Variants in PLCB4 observed in about 807,000 individuals in gnomAD.
The protein encoded by PLCB4 is 1-phosphatidylinositol 4,5-bisphosphate phosphodiesterase beta-4.
PLCB4 carries 77 observed loss-of-function variants against 178.8 expected under a neutral mutation model. The observed-to-expected ratio is 0.43, with a 90% confidence interval of 0.36 to 0.52. PLCB4 has a LOEUF of 0.52. PLCB4 is among the 20% of genes least tolerant of loss of function. The pLI is 0.00. For synonymous variants in PLCB4, 496 were observed against 490.8 expected, an observed-to-expected ratio of 1.01 and a Z score of -0.14; for missense variants, 1,024 against 1,453.4, an observed-to-expected ratio of 0.70 and a Z score of 4.80.
intron 2 of PLCB4, among the ~76,000 whole-genome samples, chr20:9,192,962 T>C (rs909912178): frequency 6.6e-6 from 1 of 152,180 alleles, no homozygotes; most frequent in Non-Finnish European, 1.5e-5. Context: ...AGAATCTATG[T>C]TCTAGTTGGA....
intron 3 of PLCB4, among the ~76,000 whole-genome samples, chr20:9,245,706 A>G (rs896454787): frequency 2.9e-4 from 43 of 150,624 alleles, no homozygotes; most frequent in African/African-American, 1.0e-3. Context: ...CTTTTGGTCT[A>G]CAGAACCAAG....
intron 4 of PLCB4, among the ~76,000 whole-genome samples, chr20:9,317,712 GA>G (rs879397737): frequency 3.9e-5 from 6 of 152,128 alleles, no homozygotes; most frequent in Admixed American, 2.6e-4. Context: ...AGAAAGTATG[GA>G]AAAAATATGG....
intron 3 of PLCB4, among the ~76,000 whole-genome samples, chr20:9,230,668 G>A (rs1412168991): frequency 1.3e-5 from 2 of 152,060 alleles, no homozygotes; most frequent in African/African-American, 4.8e-5. Flanking sequence ...CTCTCTTATG[G>A]GTCTCTGTTC....
chr20:9,220,750 C>T (rs1221595819), intron 3 of PLCB4, among the ~76,000 whole-genome samples: 1 of 152,190 alleles, frequency 6.6e-6, no homozygotes, highest in African/African-American at 2.4e-5. Flanking sequence ...GAGCCTTACT[C>T]ATTGTCCTGT....
Position 9,070,533 on chromosome 20 carries a change from A to T in PLCB4, c.-135+1327A>T, listed in dbSNP as rs143177184. Reference sequence around the variant, plus strand: ...TATGTAATCCAGAATGCTGTTTTTCATAGGACAGTCTTGCATGATCCTTAG... The same window carrying T: ...TATGTAATCCAGAATGCTGTTTTTCTTAGGACAGTCTTGCATGATCCTTAG... On this transcript the variant is annotated intron_variant, in intron 1 of 39. Coordinates refer to ENST00000378473, the MANE Select transcript of PLCB4 (RefSeq NM_001377142.1). Among the ~76,000 whole-genome samples, 401 of 152,282 alleles carry T rather than the reference A, an allele frequency of 2.6e-3. 3 individuals are homozygous for T. The highest frequency in any genetic ancestry group is 0.017 in the Middle Eastern group (5 of 294).
At chr20:9,075,487 A>G (rs1390006968) in intron 1 of PLCB4, among the ~76,000 whole-genome samples, 1 of 152,216 alleles carries the variant, frequency 6.6e-6, no homozygotes, top group East Asian at 1.9e-4. Context: ...TGGTAGCCTA[A>G]ACAAATAGTT....
At chr20:9,151,971 C>A (rs1160886703) in intron 2 of PLCB4, among the ~76,000 whole-genome samples, 1 of 152,094 alleles carries the variant, frequency 6.6e-6, no homozygotes, top group Non-Finnish European at 1.5e-5. Flanking sequence ...GCAAAGGTGA[C>A]TCTTATTATG....
At chr20:9,274,543 C>CAG (rs1274871068) in intron 3 of PLCB4, among the ~76,000 whole-genome samples, 2 of 152,070 alleles carry the variant, frequency 1.3e-5, no homozygotes, top group African/African-American at 4.8e-5. Context: ...TGTTTGGGAA[C>CAG]AGCAAAGTTA....
At chr20:9,455,655 T>A (rs945790072) in intron 33 of PLCB4, among the ~76,000 whole-genome samples, 1 of 152,168 alleles carries the variant, frequency 6.6e-6, no homozygotes, top group Non-Finnish European at 1.5e-5. Context: ...ATCTGTAGAT[T>A]TCTTCCTGAG....
intron 4 of PLCB4, among the ~76,000 whole-genome samples, chr20:9,333,299 C>T (rs2031969636): frequency 6.6e-6 from 1 of 152,012 alleles, no homozygotes; most frequent in African/African-American, 2.4e-5. Context: ...GGGAGTCAGT[C>T]AGTAAATCAA....
intron 35 of PLCB4, among the ~76,000 whole-genome samples, chr20:9,462,277 CA>C (rs201748689): frequency 0.015 from 2,317 of 152,254 alleles, 61 homozygotes; most frequent in African/African-American, 0.053. Context: ...ACATCAAAGA[CA>C]AAAGGTAGAT....
chr20:9,299,378 T>C (rs1037248486), intron 3 of PLCB4, among the ~76,000 whole-genome samples: 1 of 152,054 alleles, frequency 6.6e-6, no homozygotes, highest in Non-Finnish European at 1.5e-5. Flanking sequence ...AAAAGAAAAT[T>C]CTAAAATTAC....
intron 7 of PLCB4, among the ~76,000 whole-genome samples, chr20:9,339,777 C>A (rs904674749): frequency 6.6e-6 from 1 of 152,144 alleles, no homozygotes; most frequent in African/African-American, 2.4e-5. Context: ...GAAATCCAAA[C>A]CCCCCCTCCC....
At chr20:9,205,491 G>A (rs1231263665) in intron 2 of PLCB4, among the ~76,000 whole-genome samples, 1 of 152,102 alleles carries the variant, frequency 6.6e-6, no homozygotes, top group African/African-American at 2.4e-5. Flanking sequence ...AGAGTCATAT[G>A]CAGTTGTAAA....
At chr20:9,400,474 T>TA (rs897611426) in intron 19 of PLCB4, among the ~76,000 whole-genome samples, 3 of 152,190 alleles carry the variant, frequency 2.0e-5, no homozygotes, top group Admixed American at 6.5e-5. Context: ...AAACATGCTT[T>TA]AAAAAAATCT....
At chr20:9,163,035 G>A (rs2092914236) in intron 2 of PLCB4, among the ~76,000 whole-genome samples, 1 of 152,130 alleles carries the variant, frequency 6.6e-6, no homozygotes, top group Non-Finnish European at 1.5e-5. Flanking sequence ...CTGGGGATGG[G>A]AATAGATGCA....
intron 3 of PLCB4, among the ~76,000 whole-genome samples, chr20:9,258,809 A>ATTTTG (rs946833627): frequency 2.6e-5 from 4 of 152,048 alleles, no homozygotes; most frequent in Admixed American, 2.0e-4. Context: ...TGAACCTGCA[A>ATTTTG]TTTTGTTCTC....
intron 2 of PLCB4, among the ~76,000 whole-genome samples, chr20:9,138,971 T>C (rs1335949574): frequency 3.3e-5 from 5 of 152,094 alleles, no homozygotes; most frequent in Non-Finnish European, 7.4e-5. Context: ...AAAGCCTTTG[T>C]AAATGGAAAC....
In PLCB4 at chr20:9,203,793, T is replaced by G. The variant is rs962369460; in HGVS notation, c.-78-13597T>G. Among the ~76,000 whole-genome samples the G allele has an allele frequency of 1.2e-4, 17 of 143,506 alleles. 1 individual carries two copies. In the South Asian group the frequency reaches 3.4e-3, roughly 29 times the overall value. The allele number at this position is 143,506 out of a possible 152,430, so 94.1% of individuals were successfully genotyped here. ...GGGAATAGTGTTTTTTTTTTTTTTT[T>G]TTTTTTTTTTCCCATTTCTTTGTCA... is the stretch of plus-strand genomic sequence containing the variant. On this transcript the variant is annotated intron_variant, in intron 2 of 39. Coordinates refer to ENST00000378473, the MANE Select transcript of PLCB4 (RefSeq NM_001377142.1).
Sources: gnomAD v4.1 joint callset for allele counts (sites outside exome capture counted in the v4.1 genomes callset) on GRCh38, gnomAD v4.1.1 for gene constraint, MANE v1.5 for transcripts, NCBI Gene and HGNC (gene_info 2026-07-23, HGNC 2026-07-21) for gene names.